The following FRAS1 variants were observed in gnomAD, a reference collection of about 807,000 sequenced individuals.
FRAS1 encodes the protein Fraser extracellular matrix complex subunit 1, also known as extracellular matrix organizing protein FRAS1.
FRAS1 carries 290 observed loss-of-function variants against 435.2 expected under a neutral mutation model. The ratio of observed to expected loss-of-function variants is 0.67; its 90% CI spans 0.61 to 0.73. The LOEUF (loss-of-function observed/expected upper bound fraction) is 0.73, where lower values mean the gene tolerates loss of function less well. FRAS1 is among the 30% of genes least tolerant of loss of function. FRAS1 has a pLI of 0.00. For synonymous variants in FRAS1, 1,800 were observed against 1,851.0 expected, an observed-to-expected ratio of 0.97 and a Z score of 0.71; for missense variants, 4,860 against 5,001.5, an observed-to-expected ratio of 0.97 and a Z score of 0.85.
Position 78,495,488 on chromosome 4 carries a change from A to C in FRAS1, c.8959-1317A>C, listed in dbSNP as rs1720485308. 2.0e-5 allele frequency among the ~76,000 whole-genome samples: 3 copies of C among 152,154 alleles called. No individual in the cohort carries two copies. The South Asian group carries it at 6.2e-4, about 32-fold the overall frequency. On this transcript the variant is annotated intron_variant, in intron 59 of 73. Coordinates refer to ENST00000512123, the MANE Select transcript of FRAS1 (RefSeq NM_025074.7). Reference sequence around the variant, plus strand: ...GGGCACTCATGACATTTACACATTTATGACTCATAAAAGCCTGTCTTAGTT... The same window carrying C: ...GGGCACTCATGACATTTACACATTTCTGACTCATAAAAGCCTGTCTTAGTT...
chr4:78,161,760 AAAAAAAAAAAAAGAAAAGAAAAG>A (rs1721148600), intron 2 of FRAS1, among the ~76,000 whole-genome samples: 1 of 147,704 alleles, frequency 6.8e-6, no homozygotes, highest in African/African-American at 2.5e-5. Flanking sequence ...AAAAAAAAAA[AAAAAAAAAAAAAGAAAAGAAAAG>A]AAAAGAAAGT....
At chr4:78,268,187 G>A (rs1294242289) in intron 9 of FRAS1, among the ~76,000 whole-genome samples, 1 of 152,180 alleles carries the variant, frequency 6.6e-6, no homozygotes, top group East Asian at 1.9e-4. Context: ...GAGTAGATGA[G>A]GGAAATTAGA....
Position 78,505,599 on chromosome 4 carries a change from G to A in FRAS1, c.9317-1822G>A, listed in dbSNP as rs111767932. On this transcript the variant is annotated intron_variant, in intron 61 of 73. Coordinates refer to ENST00000512123, the MANE Select transcript of FRAS1 (RefSeq NM_025074.7). Reference sequence around the variant, plus strand: ...CAATCAGGTCATTTAAAGTCTTCTCGACACTGTTTATTCTAGTTAGCCATT... The same window carrying A: ...CAATCAGGTCATTTAAAGTCTTCTCAACACTGTTTATTCTAGTTAGCCATT... Among the ~76,000 whole-genome samples, 1,242 of 152,122 alleles carry A rather than the reference G, an allele frequency of 8.2e-3. 16 individuals are homozygous for A. The highest frequency in any genetic ancestry group is 0.028 in the African/African-American group (1,147 of 41,492).
intron 9 of FRAS1, among the ~76,000 whole-genome samples, chr4:78,270,129 A>T (rs1726577758): frequency 6.6e-6 from 1 of 152,232 alleles, no homozygotes. Context: ...AATTGGAGTG[A>T]ACTCCCCACT....
At chr4:78,209,243 A>G (rs1164472475) in intron 2 of FRAS1, among the ~76,000 whole-genome samples, 2 of 152,180 alleles carry the variant, frequency 1.3e-5, no homozygotes, top group Non-Finnish European at 1.5e-5. Context: ...TAGTTTTTAT[A>G]CCCATTATAT....
chr4:78,483,353 G>A lies in FRAS1; in HGVS notation c.8752+818G>A, dbSNP rs140888581. Among the ~76,000 whole-genome samples, 67 of 152,248 alleles carry A rather than the reference G, an allele frequency of 4.4e-4. 1 individual carries two copies. In the East Asian group the frequency reaches 8.1e-3, roughly 18 times the overall value. On this transcript the variant is annotated intron_variant, in intron 58 of 73. Coordinates refer to ENST00000512123, the MANE Select transcript of FRAS1 (RefSeq NM_025074.7). ...AAGTAGCATGAGGAAAAACAGGAAA[G>A]GATGGTTACTTCTCAGAAGAATTGA...
chr4:78,171,051 G>A (rs991838286), intron 2 of FRAS1, among the ~76,000 whole-genome samples: 2 of 151,866 alleles, frequency 1.3e-5, no homozygotes, highest in South Asian at 4.2e-4. Context: ...GCAATTTTAG[G>A]GCTCACGAAT....
chr4:78,317,511 A>C lies in FRAS1; in HGVS notation c.1960+3A>C. On this transcript the variant is annotated splice_donor_region_variant and intron_variant, in intron 17 of 73. Coordinates refer to ENST00000512123, the MANE Select transcript of FRAS1 (RefSeq NM_025074.7). ...CTCTGACCATGGAGTCTGCAAAGGT[A>C]TCGTTGGTGTCACCATCATTCTTGA... 1 of 1,609,992 alleles carries C rather than the reference A, an allele frequency of 6.2e-7. No homozygotes were observed. Among genetic ancestry groups the C allele is most frequent in the Non-Finnish European group, 8.5e-7 (1 of 1,178,544 alleles).
At chr4:78,133,704 G>A (rs1719789409) in intron 2 of FRAS1, among the ~76,000 whole-genome samples, 1 of 152,066 alleles carries the variant, frequency 6.6e-6, no homozygotes, top group South Asian at 2.1e-4. Flanking sequence ...ATATGCCTGT[G>A]CAAGATAAGC....
At chr4:78,489,186 C>A in intron 59 of FRAS1, 106 bp downstream of exon 59, 1 of 1,017,430 alleles carries the variant, frequency 9.8e-7, no homozygotes, top group Non-Finnish European at 1.4e-6. Context: ...ATTTTGTATA[C>A]TACAGGTGAC....
intron 14 of FRAS1, among the ~76,000 whole-genome samples, chr4:78,307,548 A>G (rs1040793323): frequency 1.1e-4 from 16 of 152,186 alleles, no homozygotes. Context: ...TGCCGGATTT[A>G]ATCTCCTGGT....
At chr4:78,191,090 T>C (rs954777117) in intron 2 of FRAS1, among the ~76,000 whole-genome samples, 9 of 152,288 alleles carry the variant, frequency 5.9e-5, no homozygotes, top group Admixed American at 2.6e-4. Context: ...AGAAAATGAA[T>C]TGGCTGGCAG....
At chr4:78,211,749 G>A (rs1472928975) in intron 2 of FRAS1, among the ~76,000 whole-genome samples, 1 of 152,110 alleles carries the variant, frequency 6.6e-6, no homozygotes, top group African/African-American at 2.4e-5. Context: ...TAATTCAGTG[G>A]CATTAATCAC....
At chr4:78,501,703 T>C (rs986382949) in intron 61 of FRAS1, among the ~76,000 whole-genome samples, 1 of 152,226 alleles carries the variant, frequency 6.6e-6, no homozygotes, top group African/African-American at 2.4e-5. Flanking sequence ...AATTTGCATT[T>C]CTCTGATGAC....
intron 1 of FRAS1, among the ~76,000 whole-genome samples, chr4:78,062,042 A>G (rs2109842320): frequency 6.6e-6 from 1 of 152,206 alleles, no homozygotes; most frequent in Middle Eastern, 3.4e-3. Context: ...TGAAGATTGG[A>G]TTCTGGGCAT....
chr4:78,354,824 C>T (rs750653517), intron 20 of FRAS1, among the ~76,000 whole-genome samples: 25 of 152,180 alleles, frequency 1.6e-4, no homozygotes, highest in Admixed American at 1.6e-3. Flanking sequence ...AAAGCCATTG[C>T]GTCGACAGTA....
chr4:78,411,377 G>T (rs759049483), intron 31 of FRAS1, among the ~76,000 whole-genome samples: 2 of 152,128 alleles, frequency 1.3e-5, no homozygotes, highest in Non-Finnish European at 2.9e-5. Flanking sequence ...CTCCCAAAGT[G>T]CTGGGATTAC....
At chr4:78,463,985 T>C (rs954130001) in intron 47 of FRAS1, 36 bp from the exon 48 acceptor site, 1 of 1,610,412 alleles carries the variant, frequency 6.2e-7, no homozygotes, top group African/African-American at 1.3e-5. Flanking sequence ...AGCATTTTAA[T>C]ATCCTGTCTC....
At chr4:78,095,893 A>G (rs1408882343) in intron 2 of FRAS1, among the ~76,000 whole-genome samples, 1 of 152,186 alleles carries the variant, frequency 6.6e-6, no homozygotes, top group East Asian at 1.9e-4. Flanking sequence ...CCCAAATCTC[A>G]TGTCTTCACA....
Sources: allele counts gnomAD v4.1 joint callset (sites outside exome capture counted in the v4.1 genomes callset), GRCh38; gene constraint gnomAD v4.1.1; transcripts MANE v1.5; gene names NCBI Gene and HGNC (gene_info 2026-07-23, HGNC 2026-07-21).